CD1B: variants seen among roughly 807,000 people sequenced by gnomAD.
CD1B encodes T-cell surface glycoprotein CD1b.
CD1B carries 43 observed loss-of-function variants against 39.8 expected under a neutral mutation model. The ratio of observed to expected loss-of-function variants is 1.08; its 90% CI spans 0.85 to 1.39. The LOEUF (loss-of-function observed/expected upper bound fraction) is 1.39, where lower values mean the gene tolerates loss of function less well. Among genes scored for constraint, CD1B ranks in the 40% most tolerant of loss-of-function variants. CD1B has a pLI of 0.00. For synonymous variants in CD1B, 192 were observed against 152.5 expected (o/e 1.26, Z -1.91); for missense variants, 495 against 403.8 (o/e 1.23, Z -1.94).
the CD1B span, chr1:158,291,975 C>A: frequency 2.1e-5 from 23 of 1,096,030 alleles, no homozygotes; most frequent in South Asian, 3.6e-4. Flanking sequence ...CTCACTCTCA[C>A]ATCCATGTAA....
At chr1:158,291,066 T>A in the CD1B span, 3 of 1,498,778 alleles carry the variant, frequency 2.0e-6, no homozygotes, top group Non-Finnish European at 1.8e-6. Flanking sequence ...CCTTCCATTT[T>A]CTCTCCATTT....
the CD1B span, chr1:158,292,541 G>C: frequency 2.5e-6 from 4 of 1,575,152 alleles, no homozygotes; most frequent in Non-Finnish European, 3.5e-6. Flanking sequence ...GTGTGTATGT[G>C]GATGTAAGTT....
chr1:158,291,025 T>A, the CD1B span: 4 of 1,130,836 alleles, frequency 3.5e-6, no homozygotes, highest in Admixed American at 5.3e-5. Context: ...GCTAAAGTAG[T>A]CATTAATGTT....
the CD1B span, among the ~76,000 whole-genome samples, chr1:158,303,097 C>A: frequency 1.3e-5 from 2 of 152,118 alleles, no homozygotes; most frequent in African/African-American, 4.8e-5. Context: ...ATCAAATGGG[C>A]TTCATCCCTG....
chr1:158,291,110 T>A, the CD1B span: 3 of 1,586,488 alleles, frequency 1.9e-6, no homozygotes, highest in Non-Finnish European at 1.7e-6. Context: ...TTCCTTACAC[T>A]ACTTGCCCTT....
the CD1B span, among the ~76,000 whole-genome samples, chr1:158,309,494 G>T: frequency 6.6e-6 from 1 of 152,080 alleles, no homozygotes; most frequent in African/African-American, 2.4e-5. Context: ...TATACCCAAA[G>T]GATTATAAAT....
the CD1B span, among the ~76,000 whole-genome samples, chr1:158,317,143 C>T: frequency 1.3e-5 from 2 of 151,920 alleles, no homozygotes; most frequent in Non-Finnish European, 2.9e-5. Flanking sequence ...TGTGTCTCTG[C>T]CCGGCTTTGG....
At chr1:158,304,949 T>C in the CD1B span, among the ~76,000 whole-genome samples, 1 of 151,920 alleles carries the variant, frequency 6.6e-6, no homozygotes, top group East Asian at 1.9e-4. Flanking sequence ...GTCACCATCA[T>C]CAAAGACCAA....
downstream of CD1B, among the ~76,000 whole-genome samples, chr1:158,326,352 C>A (rs970286422): frequency 5.9e-5 from 9 of 152,156 alleles, no homozygotes; most frequent in East Asian, 1.7e-3. Flanking sequence ...TCAGCAAAAT[C>A]CAAACTGTGG....
the CD1B span, among the ~76,000 whole-genome samples, chr1:158,309,620 G>A: frequency 6.6e-6 from 1 of 152,180 alleles, no homozygotes; most frequent in South Asian, 2.1e-4. Flanking sequence ...AGAAAATGTG[G>A]CACATATACA....
At chr1:158,315,491 T>G in the CD1B span, among the ~76,000 whole-genome samples, 8 of 152,118 alleles carry the variant, frequency 5.3e-5, no homozygotes, top group African/African-American at 1.9e-4. Context: ...TTTGCCCACT[T>G]TTTGATGGGG....
At chr1:158,299,708 C>G in the CD1B span, among the ~76,000 whole-genome samples, 5,596 of 152,168 alleles carry the variant, frequency 0.037, 329 homozygotes, top group African/African-American at 0.12. Flanking sequence ...TCCTGGTTTA[C>G]TCTTGGGAGG....
the CD1B span, among the ~76,000 whole-genome samples, chr1:158,305,594 C>T: frequency 6.6e-6 from 1 of 152,140 alleles, no homozygotes; most frequent in Non-Finnish European, 1.5e-5. Flanking sequence ...CACAAAGATA[C>T]TCCTCAAGAA....
At chr1:158,289,935 T>A in the CD1B span, 1 of 740,928 alleles carries the variant, frequency 1.3e-6, no homozygotes, top group East Asian at 2.7e-5. Context: ...ATCTTCTTAG[T>A]TGCTGTCAGC....
chr1:158,289,417 T>G, the CD1B span, among the ~76,000 whole-genome samples: 4,831 of 152,266 alleles, frequency 0.032, 246 homozygotes, highest in African/African-American at 0.11. Flanking sequence ...CTAAGGATAA[T>G]GTAGAGTGGA....
At chr1:158,330,182 G>T (rs764290365) in intron 2 of CD1B, 52 bp from the exon 3 acceptor site, 28 of 1,511,130 alleles carry the variant, frequency 1.9e-5, no homozygotes, top group Non-Finnish European at 2.5e-5. Flanking sequence ...AGAAAAAAAG[G>T]CATGAGAAAA....
the CD1B span, among the ~76,000 whole-genome samples, chr1:158,301,007 C>T: frequency 6.6e-6 from 1 of 151,988 alleles, no homozygotes; most frequent in Admixed American, 6.6e-5. Context: ...ATCTGCCCAC[C>T]TCAGCCTCCC....
chr1:158,287,326 G>C, the CD1B span, among the ~76,000 whole-genome samples: 1 of 152,138 alleles, frequency 6.6e-6, no homozygotes, highest in Non-Finnish European at 1.5e-5. Flanking sequence ...GACAGGGAGA[G>C]ACAGAGAGAC....
In CD1B at chr1:158,329,643, G is replaced by A. The variant is rs761355975; in HGVS notation, c.613C>T (p.Pro205Ser). The change falls in exon 4 of 6, where the codon CCT becomes TCT. Residue 205 changes from proline to serine, a missense_variant. Transcript: ENST00000368168. ...GGGCCACTGGACAGCCAGGCCTCAG[G>A]CTTCACTAAGGCAGGAAGGAGAAAA... The part of the protein sequence containing the change: ...GKADLQRQVK[P>S]EAWLSSGPSP... The A allele has an allele frequency of 8.1e-6, 13 of 1,613,702 alleles. No homozygotes were observed. The highest frequency in any genetic ancestry group is 1.1e-5 in the Non-Finnish European group (13 of 1,179,720).
Sources: gnomAD v4.1 joint callset for allele counts (sites outside exome capture counted in the v4.1 genomes callset) on GRCh38, gnomAD v4.1.1 for gene constraint, MANE v1.5 for transcripts, NCBI Gene and HGNC (gene_info 2026-07-23, HGNC 2026-07-21) for gene names.